AUTS2: variants seen among roughly 807,000 people sequenced by gnomAD.
AUTS2 encodes the protein autism susceptibility gene 2 protein.
In AUTS2, 17 loss-of-function variants were observed where a neutral mutation model predicts 112.4. The observed-to-expected ratio is 0.15, with a 90% confidence interval of 0.10 to 0.23. The LOEUF (loss-of-function observed/expected upper bound fraction) is 0.23, where lower values mean the gene tolerates loss of function less well. AUTS2 is among the 10% of genes least tolerant of loss of function. The pLI is 1.00. For missense variants in AUTS2, 1,510 were observed against 1,701.6 expected (o/e 0.89, Z 1.98); for synonymous variants, 751 against 702.7 (o/e 1.07, Z -1.09).
intron 5 of AUTS2, among the ~76,000 whole-genome samples, chr7:70,487,857 A>C (rs898294533): frequency 6.6e-6 from 1 of 152,216 alleles, no homozygotes; most frequent in African/African-American, 2.4e-5. Flanking sequence ...ATCTGCCATG[A>C]AAGTAGTAAT....
In AUTS2 at chr7:70,298,148, C is replaced by A. The variant is rs532819414; in HGVS notation, c.661-137604C>A. Among the ~76,000 whole-genome samples the A allele has an allele frequency of 5.3e-5, 8 of 152,200 alleles. No individual in the cohort carries two copies. In the South Asian group the frequency reaches 1.7e-3, roughly 32 times the overall value. The stretch of plus-strand genomic sequence containing the variant: ...CTGGATTCAAGCAATTCTTCTGCCT[C>A]AGCCTCCCGAGTAGCTGGGATTACA... On this transcript the variant is annotated intron_variant, in intron 4 of 18. Transcript: ENST00000342771.
chr7:69,815,507 A>G (rs1790719634), intron 1 of AUTS2, among the ~76,000 whole-genome samples: 1 of 152,110 alleles, frequency 6.6e-6, no homozygotes, highest in Admixed American at 6.5e-5. Flanking sequence ...CATCTTCTCC[A>G]GGCCTCTTTA....
intron 4 of AUTS2, among the ~76,000 whole-genome samples, chr7:70,434,760 G>A (rs754195225): frequency 3.9e-5 from 6 of 152,132 alleles, no homozygotes; most frequent in East Asian, 3.9e-4. Flanking sequence ...ACTGCTAAAC[G>A]GAAGGCTCCT....
At chr7:70,552,050 AGAG>A (rs1431022670) in intron 5 of AUTS2, among the ~76,000 whole-genome samples, 7 of 152,286 alleles carry the variant, frequency 4.6e-5, no homozygotes, top group South Asian at 2.1e-4. Flanking sequence ...TTTTAAGAGA[AGAG>A]GAGAAGAGAG....
intron 4 of AUTS2, among the ~76,000 whole-genome samples, chr7:70,206,865 G>A (rs1048201059): frequency 6.6e-6 from 1 of 152,136 alleles, no homozygotes. Context: ...TCCTCAGATA[G>A]CAAGCTAGAT....
chr7:70,776,151 T>C (rs1790674099), intron 13 of AUTS2, among the ~76,000 whole-genome samples: 1 of 152,218 alleles, frequency 6.6e-6, no homozygotes, highest in Admixed American at 6.5e-5. Flanking sequence ...CAGACTTGCA[T>C]TTAAGTATAT....
At position 70,223,962 on chromosome 7, in the gene AUTS2, A is replaced by G. The variant is rs61082032; in HGVS notation, c.660+89391A>G. On this transcript the variant is annotated intron_variant, in intron 4 of 18. Transcript: ENST00000342771. Reference sequence around the variant, plus strand: ...GTCCTCTTACCTCAGCCTCCCAAGTATCTGGGATTACCCACATGCACCACT... The same window carrying G: ...GTCCTCTTACCTCAGCCTCCCAAGTGTCTGGGATTACCCACATGCACCACT... Among the ~76,000 whole-genome samples, 773 of 150,882 alleles carry G rather than the reference A, an allele frequency of 5.1e-3. 8 individuals carry two copies. Among genetic ancestry groups the G allele is most frequent in the African/African-American group, 0.018 (729 of 41,016 alleles).
rs1336239612 is a variant in AUTS2 at position 70,790,881 on chromosome 7, C to G, written c.3665C>G (p.Pro1222Arg). 1.9e-6 allele frequency: 3 copies of G among 1,602,268 alleles called. No individual in the cohort carries two copies. Among genetic ancestry groups the G allele is most frequent in the African/African-American group, 1.3e-5 (1 of 74,764 alleles). ...ACAGCAGCGCTGAGCGCACCTCCCC[C>G]GCTCATCTCCACGCTGGGGGGCCGC... The part of the protein sequence containing the change: ...PPTAALSAPP[P>R]LISTLGGRPV... The change falls in exon 19 of 19, where the codon CCG becomes CGG. Residue 1222 changes from proline (P) to arginine (R), a missense_variant. This residue lies in a region of AUTS2 where 788 missense variants were observed against 797.6 expected (regional missense o/e 0.99). Transcript: ENST00000342771. The surrounding 1 kb of genome is among the most constrained non-coding windows in gnomAD (Gnocchi z 7.6).
intron 5 of AUTS2, among the ~76,000 whole-genome samples, chr7:70,677,381 C>T (rs551242548): frequency 2.2e-4 from 34 of 152,296 alleles, no homozygotes; most frequent in Admixed American, 2.0e-3. Context: ...CATCTCGTCC[C>T]AAGCAAAGTC....
chr7:70,283,587 C>T (rs758771804), intron 4 of AUTS2, among the ~76,000 whole-genome samples: 1 of 151,910 alleles, frequency 6.6e-6, no homozygotes, highest in African/African-American at 2.4e-5. Flanking sequence ...TATACATATG[C>T]CACAAGAGAA....
intron 1 of AUTS2, among the ~76,000 whole-genome samples, chr7:69,874,274 A>G (rs945030061): frequency 3.3e-5 from 5 of 152,144 alleles, no homozygotes; most frequent in Non-Finnish European, 5.9e-5. Context: ...ATGACTGGGA[A>G]ACTTAAAGTA....
chr7:70,052,545 G>C (rs1274866393), intron 2 of AUTS2, among the ~76,000 whole-genome samples: 14 of 152,162 alleles, frequency 9.2e-5, no homozygotes, highest in Admixed American at 5.2e-4. Flanking sequence ...TGAGGTAGCA[G>C]GCAAAGGATT....
chr7:69,657,631 G>T (rs1422840309), intron 1 of AUTS2, among the ~76,000 whole-genome samples: 1 of 152,154 alleles, frequency 6.6e-6, no homozygotes, highest in African/African-American at 2.4e-5. Flanking sequence ...GCAGATGTGG[G>T]TGGTGAAGGA....
At chr7:70,486,910 A>AG in intron 5 of AUTS2, among the ~76,000 whole-genome samples, 1 of 120,552 alleles carries the variant, frequency 8.3e-6, no homozygotes, top group Non-Finnish European at 1.7e-5. Flanking sequence ...CCCCCCCCCA[A>AG]AAAAAAAGAA....
chr7:69,985,981 C>G (rs1207119416), intron 2 of AUTS2, among the ~76,000 whole-genome samples: 1 of 151,964 alleles, frequency 6.6e-6, no homozygotes, highest in Non-Finnish European at 1.5e-5. Flanking sequence ...CAGGCTGGTC[C>G]TGAACTTCTG....
At chr7:69,850,744 T>C (rs1284333869) in intron 1 of AUTS2, among the ~76,000 whole-genome samples, 6 of 152,258 alleles carry the variant, frequency 3.9e-5, no homozygotes, top group African/African-American at 1.4e-4. Context: ...GTATTCTAGA[T>C]ATCAGTATCT....
chr7:70,016,428 A>G (rs1434546792), intron 2 of AUTS2, among the ~76,000 whole-genome samples: 1 of 150,158 alleles, frequency 6.7e-6, no homozygotes, highest in Non-Finnish European at 1.5e-5. Context: ...TTAGGAGGAG[A>G]TTTGGGGGAT....
intron 1 of AUTS2, among the ~76,000 whole-genome samples, chr7:69,879,761 C>T (rs965610879): frequency 5.3e-5 from 8 of 152,154 alleles, no homozygotes; most frequent in Admixed American, 1.3e-4. Flanking sequence ...CCTGCCTTGC[C>T]ACTGTGAATC....
At chr7:70,009,583 T>G (rs1441030736) in intron 2 of AUTS2, among the ~76,000 whole-genome samples, 1 of 152,236 alleles carries the variant, frequency 6.6e-6, no homozygotes, top group Non-Finnish European at 1.5e-5. Context: ...TCCTCGTGGT[T>G]TTATGCACCT....
Sources: allele counts gnomAD v4.1 joint callset (sites outside exome capture counted in the v4.1 genomes callset), GRCh38; gene constraint gnomAD v4.1.1; regional missense constraint gnomAD v4.1.1; non-coding constraint Gnocchi (gnomAD v3.1); transcripts MANE v1.5; gene names NCBI Gene and HGNC (gene_info 2026-07-23, HGNC 2026-07-21).